Variants in ENTREP2 observed in about 807,000 individuals in gnomAD.
ENTREP2 encodes endosomal transmembrane epsin interactor 2.
At chr15:29,370,685 T>C in the ENTREP2 span, among the ~76,000 whole-genome samples, 1 of 152,114 alleles carries the variant, frequency 6.6e-6, no homozygotes, top group Non-Finnish European at 1.5e-5. Context: ...GAAATCCTGA[T>C]ATAGTGAGTC....
chr15:29,129,841 G>GCGTGAGC, the ENTREP2 span, among the ~76,000 whole-genome samples: 382 of 152,180 alleles, frequency 2.5e-3, 3 homozygotes, highest in African/African-American at 8.8e-3. Context: ...CACACATGTT[G>GCGTGAGC]CATGAGCACC....
chr15:29,256,136 T>C, the ENTREP2 span, among the ~76,000 whole-genome samples: 2 of 152,042 alleles, frequency 1.3e-5, no homozygotes, highest in African/African-American at 4.8e-5. Flanking sequence ...AGCTAAACTT[T>C]GGGTACACAC....
At chr15:29,239,934 A>T in the ENTREP2 span, among the ~76,000 whole-genome samples, 1 of 152,162 alleles carries the variant, frequency 6.6e-6, no homozygotes. Context: ...TTTTCCCCAA[A>T]ATAAATAAGA....
the ENTREP2 span, among the ~76,000 whole-genome samples, chr15:29,488,490 A>C: frequency 6.6e-6 from 1 of 152,244 alleles, no homozygotes; most frequent in Non-Finnish European, 1.5e-5. Flanking sequence ...TGAAAGGAAC[A>C]CAAAGAATAT....
At chr15:29,307,438 T>C in the ENTREP2 span, among the ~76,000 whole-genome samples, 3 of 152,216 alleles carry the variant, frequency 2.0e-5, no homozygotes, top group Admixed American at 1.3e-4. Flanking sequence ...TGGATACAGA[T>C]CCTTCCCATT....
At chr15:29,401,214 G>GT in the ENTREP2 span, among the ~76,000 whole-genome samples, 34,267 of 151,736 alleles carry the variant, frequency 0.23, 4,163 homozygotes, top group Middle Eastern at 0.4. Context: ...CACATTTATG[G>GT]TTAAAAAAAA....
chr15:29,120,046 C>T, the ENTREP2 span, among the ~76,000 whole-genome samples: 3 of 152,242 alleles, frequency 2.0e-5, no homozygotes, highest in African/African-American at 7.2e-5. Flanking sequence ...CGTGGACGGG[C>T]GTGGGTGTGT....
chr15:29,635,700 C>A, the ENTREP2 span, among the ~76,000 whole-genome samples: 2 of 152,190 alleles, frequency 1.3e-5, no homozygotes, highest in South Asian at 2.1e-4. Context: ...CAAGCCCCAG[C>A]CATGCGCTGT....
At chr15:29,222,342 A>C in the ENTREP2 span, among the ~76,000 whole-genome samples, 1 of 152,200 alleles carries the variant, frequency 6.6e-6, no homozygotes, top group Non-Finnish European at 1.5e-5. Context: ...CTTGTTTAGC[A>C]TATCATCACG....
the ENTREP2 span, among the ~76,000 whole-genome samples, chr15:29,583,806 T>C: frequency 1.3e-5 from 2 of 152,188 alleles, no homozygotes; most frequent in African/African-American, 2.4e-5. Flanking sequence ...TAAGTATAGA[T>C]GGTGAGCACT....
At chr15:29,624,871 T>TCGTG in the ENTREP2 span, among the ~76,000 whole-genome samples, 1 of 143,624 alleles carries the variant, frequency 7.0e-6, no homozygotes, top group African/African-American at 2.6e-5. Context: ...CTGCATTAAT[T>TCGTG]TGTGTGTGTG....
the ENTREP2 span, among the ~76,000 whole-genome samples, chr15:29,631,049 C>T: frequency 8.5e-5 from 13 of 152,314 alleles, no homozygotes; most frequent in East Asian, 1.9e-4. Flanking sequence ...TAAGCTAGTA[C>T]GGAGCTCATT....
chr15:29,143,384 G>T, the ENTREP2 span, among the ~76,000 whole-genome samples: 1 of 152,234 alleles, frequency 6.6e-6, no homozygotes, highest in African/African-American at 2.4e-5. Context: ...AGCAGGGAGA[G>T]GGGCTGGGAA....
At chr15:29,453,314 A>C in the ENTREP2 span, among the ~76,000 whole-genome samples, 1 of 152,250 alleles carries the variant, frequency 6.6e-6, no homozygotes, top group African/African-American at 2.4e-5. Context: ...CTGTCCTGGA[A>C]GTGGCGGAGG....
At chr15:29,616,698 T>A in the ENTREP2 span, among the ~76,000 whole-genome samples, 4 of 152,336 alleles carry the variant, frequency 2.6e-5, no homozygotes, top group Admixed American at 2.6e-4. Context: ...CAGACAAGTA[T>A]TTTGCTTCCT....
chr15:29,653,482 G>A, the ENTREP2 span, among the ~76,000 whole-genome samples: 9 of 152,182 alleles, frequency 5.9e-5, no homozygotes, highest in Admixed American at 5.9e-4. Context: ...GAGACCAGGT[G>A]GAGGTAACTG....
chr15:29,547,937 A>G, the ENTREP2 span, among the ~76,000 whole-genome samples: 1 of 152,226 alleles, frequency 6.6e-6, no homozygotes, highest in South Asian at 2.1e-4. Context: ...CTAAACATGG[A>G]TGAATCTTGA....
chr15:29,579,550 C>T, the ENTREP2 span, among the ~76,000 whole-genome samples: 1 of 146,618 alleles, frequency 6.8e-6, no homozygotes, highest in Admixed American at 6.8e-5. Flanking sequence ...GATGGAGTCT[C>T]GCTCTGTCCC....
At chr15:29,406,967 T>TA in the ENTREP2 span, among the ~76,000 whole-genome samples, 627 of 152,272 alleles carry the variant, frequency 4.1e-3, 6 homozygotes, top group Middle Eastern at 0.021. Flanking sequence ...ACAGTGCCTT[T>TA]AAAAAAAATC....
Sources: gnomAD v4.1 joint callset for allele counts (sites outside exome capture counted in the v4.1 genomes callset) on GRCh38, gnomAD v4.1.1 for gene constraint, MANE v1.5 for transcripts, NCBI Gene and HGNC (gene_info 2026-07-23, HGNC 2026-07-21) for gene names.